Variants in PARD3B observed in about 807,000 individuals in gnomAD.
PARD3B encodes partitioning defective 3 homolog B.
PARD3B carries 103 observed loss-of-function variants against 130.2 expected under a neutral mutation model. The observed-to-expected ratio is 0.79, with a 90% CI of 0.67 to 0.93. The LOEUF (loss-of-function observed/expected upper bound fraction) is 0.93. Among genes scored for constraint, PARD3B ranks in the 40% least tolerant of loss-of-function variants. The probability of loss-of-function intolerance (pLI) is 0.00; values close to 1 mark genes in which losing one functional copy is unlikely to be tolerated. For missense variants in PARD3B, 1,609 were observed against 1,499.2 expected (o/e 1.07, Z -1.21); for synonymous variants, 583 against 553.2 (o/e 1.05, Z -0.76).
At chr2:205,335,329 A>G (rs1007237366) in intron 18 of PARD3B, among the ~76,000 whole-genome samples, 6 of 152,148 alleles carry the variant, frequency 3.9e-5, no homozygotes, top group African/African-American at 1.4e-4. Flanking sequence ...GTATATCTCT[A>G]AGGCTTACCA....
chr2:204,878,620 T>C (rs530454832), intron 2 of PARD3B, among the ~76,000 whole-genome samples: 1 of 152,308 alleles, frequency 6.6e-6, no homozygotes, highest in East Asian at 1.9e-4. Flanking sequence ...GCAATTTTCT[T>C]AGCTAATGGT....
Position 204,675,626 on chromosome 2 carries a change from C to T in PARD3B, c.121-10555C>T, listed in dbSNP as rs2036499811. Among the ~76,000 whole-genome samples the T allele has an allele frequency of 6.6e-6, 1 of 151,810 alleles. No homozygotes were observed. Among genetic ancestry groups the T allele is most frequent in the Admixed American group, 6.6e-5 (1 of 15,232 alleles). ...CTTCTCAAATAAATTTAGATTAATC[C>T]TAAAATGAAAAATGAACCTCTAAAG... On this transcript the variant is annotated intron_variant, in intron 1 of 22. Transcript: ENST00000406610. This position sits in a 1 kb window ranked among gnomAD's most constrained non-coding sequence, Gnocchi z 4.4.
At chr2:205,240,915 G>A (rs2039323996) in intron 15 of PARD3B, among the ~76,000 whole-genome samples, 1 of 152,196 alleles carries the variant, frequency 6.6e-6, no homozygotes, top group East Asian at 1.9e-4. Flanking sequence ...GGAAGCCAAT[G>A]TGTGTAAGTA....
chr2:204,688,889 G>A (rs1009740625), intron 2 of PARD3B, among the ~76,000 whole-genome samples: 1 of 152,104 alleles, frequency 6.6e-6, no homozygotes, highest in African/African-American at 2.4e-5. Context: ...TAGAGAACAA[G>A]TCCAAAGAGG....
intron 18 of PARD3B, among the ~76,000 whole-genome samples, chr2:205,365,549 C>CTT (rs3048121): frequency 4.4e-5 from 5 of 113,760 alleles, no homozygotes; most frequent in Non-Finnish European, 6.6e-5. Flanking sequence ...CCCAACCTTC[C>CTT]TTTTTTTTTT....
Position 204,715,225 on chromosome 2 carries a change from T to A in PARD3B, c.222+28943T>A, listed in dbSNP as rs535291157. The stretch of plus-strand genomic sequence containing the variant: ...AAATAGTAGTTATTACCCAATCACT[T>A]TTAAAATTTAATATGGGATCCCTGT... On this transcript the variant is annotated intron_variant, in intron 2 of 22. Transcript: ENST00000406610. 1.1e-3 allele frequency among the ~76,000 whole-genome samples: 164 copies of A among 152,300 alleles called. 1 individual carries two copies. Among genetic ancestry groups the A allele is most frequent in the African/African-American group, 2.9e-3 (120 of 41,558 alleles).
intron 20 of PARD3B, among the ~76,000 whole-genome samples, chr2:205,450,578 A>G (rs1382389308): frequency 6.7e-6 from 1 of 149,660 alleles, no homozygotes; most frequent in African/African-American, 2.5e-5. Flanking sequence ...GGTTCAAGTA[A>G]TTCTCCTGCC....
intron 22 of PARD3B, among the ~76,000 whole-genome samples, chr2:205,580,958 G>A (rs544730440): frequency 2.0e-5 from 3 of 152,096 alleles, no homozygotes; most frequent in Non-Finnish European, 4.4e-5. Context: ...AGTTTTGACT[G>A]CAATCTGAGT....
chr2:204,804,368 CTA>C, intron 2 of PARD3B, among the ~76,000 whole-genome samples: 1 of 152,146 alleles, frequency 6.6e-6, no homozygotes, highest in East Asian at 1.9e-4. Flanking sequence ...ATAAGACAAA[CTA>C]GATTTCAAGA....
intron 1 of PARD3B, among the ~76,000 whole-genome samples, chr2:204,657,672 A>C (rs2035682428): frequency 6.6e-6 from 1 of 152,226 alleles, no homozygotes; most frequent in South Asian, 2.1e-4. Context: ...CCTATAAAAC[A>C]AATGAAAGCA....
At chr2:204,760,349 C>T (rs2040846547) in intron 2 of PARD3B, among the ~76,000 whole-genome samples, 1 of 152,012 alleles carries the variant, frequency 6.6e-6, no homozygotes, top group Non-Finnish European at 1.5e-5. Context: ...GGGATTTTCT[C>T]TTGTATACAA....
chr2:204,814,710 C>G (rs1337582863), intron 2 of PARD3B, among the ~76,000 whole-genome samples: 1 of 151,626 alleles, frequency 6.6e-6, no homozygotes, highest in Non-Finnish European at 1.5e-5. Flanking sequence ...TTTCATGGAT[C>G]CCTTTTTCCA....
At chr2:204,882,412 T>G (rs2046089869) in intron 2 of PARD3B, among the ~76,000 whole-genome samples, 1 of 152,246 alleles carries the variant, frequency 6.6e-6, no homozygotes, top group African/African-American at 2.4e-5. Context: ...AGCCTAATAT[T>G]GGGTAATCTA....
chr2:204,932,372 C>T (rs1213003178), intron 2 of PARD3B, among the ~76,000 whole-genome samples: 1 of 151,888 alleles, frequency 6.6e-6, no homozygotes, highest in African/African-American at 2.4e-5. Context: ...AGAAATAGCC[C>T]CATGTAAATT....
chr2:205,204,979 TGTGAAG>T (rs2037203215), intron 15 of PARD3B, among the ~76,000 whole-genome samples: 1 of 152,206 alleles, frequency 6.6e-6, no homozygotes, highest in Non-Finnish European at 1.5e-5. Flanking sequence ...TTCCTAATTC[TGTGAAG>T]AAAGTCAATG....
intron 2 of PARD3B, among the ~76,000 whole-genome samples, chr2:204,852,220 CG>C (rs2044737207): frequency 6.6e-6 from 1 of 150,510 alleles, no homozygotes; most frequent in Admixed American, 6.6e-5. Flanking sequence ...GTGTTTTAGG[CG>C]GTTATTTTGC....
intron 2 of PARD3B, among the ~76,000 whole-genome samples, chr2:204,724,679 G>A (rs901145529): frequency 6.6e-6 from 1 of 152,132 alleles, no homozygotes; most frequent in African/African-American, 2.4e-5. Flanking sequence ...TATTTATGGA[G>A]TGACTATGGA....
intron 19 of PARD3B, among the ~76,000 whole-genome samples, chr2:205,406,657 A>ATTTTTTTTTTTTTTTTTTTTTTT: frequency 8.3e-6 from 1 of 121,124 alleles, no homozygotes; most frequent in Admixed American, 8.3e-5. Flanking sequence ...CTTCTTGTGT[A>ATTTTTTTTTTTTTTTTTTTTTTT]TCTTTTTTTT....
At chr2:205,028,681 G>A (rs1248377076) in intron 3 of PARD3B, among the ~76,000 whole-genome samples, 1 of 152,066 alleles carries the variant, frequency 6.6e-6, no homozygotes, top group Non-Finnish European at 1.5e-5. Flanking sequence ...CCTAGCCAGA[G>A]CAATTAGGCA....
Sources: gnomAD v4.1 joint callset for allele counts (sites outside exome capture counted in the v4.1 genomes callset) on GRCh38, gnomAD v4.1.1 for gene constraint, Gnocchi (gnomAD v3.1) non-coding constraint, MANE v1.5 for transcripts, NCBI Gene and HGNC (gene_info 2026-07-23, HGNC 2026-07-21) for gene names.